ZNF722: variants seen among roughly 807,000 people sequenced by gnomAD.
The protein encoded by ZNF722 is zinc finger protein 479 pseudogene.
chr7:64,000,128 T>TGTGTGTG, the ZNF722 span, among the ~76,000 whole-genome samples: 18 of 89,492 alleles, frequency 2.0e-4, no homozygotes, highest in East Asian at 3.9e-3. Flanking sequence ...ACTTTTTTTT[T>TGTGTGTG]TTTTTGTGTG....
chr7:64,015,827 A>G, the ZNF722 span: 1 of 1,605,326 alleles, frequency 6.2e-7, no homozygotes, highest in East Asian at 2.2e-5. Context: ...AACCCTACAA[A>G]TGTGAAGAAT....
At chr7:64,006,380 C>T in the ZNF722 span, 11 of 1,091,540 alleles carry the variant, frequency 1.0e-5, no homozygotes, top group African/African-American at 1.2e-4. Flanking sequence ...AACAAGGCAG[C>T]CAGTCCTTGA....
the ZNF722 span, among the ~76,000 whole-genome samples, chr7:64,002,063 A>G: frequency 2.0e-5 from 3 of 151,982 alleles, no homozygotes; most frequent in African/African-American, 7.2e-5. Context: ...TTGTATTTTT[A>G]GTAGAGATGG....
At chr7:64,018,052 TTAAA>T in the ZNF722 span, among the ~76,000 whole-genome samples, 409 of 152,310 alleles carry the variant, frequency 2.7e-3, 2 homozygotes, top group African/African-American at 9.0e-3. Context: ...TAATTTTTCA[TTAAA>T]TAAAGTTGTT....
the ZNF722 span, among the ~76,000 whole-genome samples, chr7:64,003,426 C>T: frequency 6.6e-6 from 1 of 151,950 alleles, no homozygotes; most frequent in African/African-American, 2.4e-5. Flanking sequence ...TCTCAAGATG[C>T]AGGTTTGATA....
At chr7:64,016,029 T>A in the ZNF722 span, 9 of 769,006 alleles carry the variant, frequency 1.2e-5, no homozygotes, top group Non-Finnish European at 1.8e-5. Flanking sequence ...GTTCCAAACC[T>A]TAATAGAAAA....
chr7:63,999,301 G>A, the ZNF722 span, among the ~76,000 whole-genome samples: 1 of 152,208 alleles, frequency 6.6e-6, no homozygotes, highest in African/African-American at 2.4e-5. Context: ...GGATGGGAAA[G>A]TCATCAGGGG....
chr7:64,015,673 G>T, the ZNF722 span: 2 of 1,613,264 alleles, frequency 1.2e-6, no homozygotes, highest in African/African-American at 2.7e-5. Flanking sequence ...GAAGAATGTG[G>T]CAAAGCCTTT....
the ZNF722 span, chr7:64,015,909 A>G: frequency 2.6e-6 from 4 of 1,524,388 alleles, no homozygotes; most frequent in South Asian, 4.5e-5. Flanking sequence ...GAAACCCTAC[A>G]AAAGTAAATA....
At chr7:63,998,865 C>T in the ZNF722 span, 1 of 1,364,534 alleles carries the variant, frequency 7.3e-7, no homozygotes, top group Non-Finnish European at 1.0e-6. Context: ...TGCTTCTCTG[C>T]GTCCCGAGCT....
the ZNF722 span, among the ~76,000 whole-genome samples, chr7:64,011,446 G>A: frequency 6.6e-6 from 1 of 152,074 alleles, no homozygotes; most frequent in Admixed American, 6.6e-5. Flanking sequence ...CAGGCCTGGT[G>A]GTGACAAAAT....
the ZNF722 span, among the ~76,000 whole-genome samples, chr7:64,004,425 A>AAAAATATATATATATATATATAT: frequency 8.2e-5 from 5 of 61,110 alleles, no homozygotes; most frequent in Admixed American, 4.7e-4. Context: ...AAAAAAAAAA[A>AAAAATATATATATATATATATAT]ATATATATAT....
the ZNF722 span, chr7:64,015,050 A>G: frequency 7.4e-7 from 1 of 1,348,946 alleles, no homozygotes; most frequent in Admixed American, 1.7e-5. Flanking sequence ...ATTTCACCCA[A>G]GACCTTCATC....
chr7:64,000,436 CTTTTTTTTTT>C, the ZNF722 span, among the ~76,000 whole-genome samples: 118 of 23,682 alleles, frequency 5.0e-3, no homozygotes, highest in African/African-American at 0.015. Context: ...CATGCCCGGC[CTTTTTTTTTT>C]TTTTTTTTTT....
At chr7:64,014,198 T>G in the ZNF722 span, among the ~76,000 whole-genome samples, 2 of 152,104 alleles carry the variant, frequency 1.3e-5, no homozygotes, top group Admixed American at 6.6e-5. Flanking sequence ...CTTATTCTTT[T>G]TTACTTCCAC....
chr7:63,999,011 G>T, the ZNF722 span: 1 of 1,577,304 alleles, frequency 6.3e-7, no homozygotes, highest in African/African-American at 1.3e-5. Flanking sequence ...GTGAGTGCTG[G>T]GTCTGTCATC....
the ZNF722 span, among the ~76,000 whole-genome samples, chr7:64,014,407 A>G: frequency 1.3e-5 from 2 of 152,188 alleles, no homozygotes; most frequent in Non-Finnish European, 1.5e-5. Flanking sequence ...TTTTGTATAC[A>G]TTATAATCTT....
the ZNF722 span, among the ~76,000 whole-genome samples, chr7:64,005,988 G>C: frequency 1.3e-5 from 2 of 152,080 alleles, no homozygotes; most frequent in South Asian, 2.1e-4. Context: ...ATAAAATAGC[G>C]TTTCCCACGC....
the ZNF722 span, among the ~76,000 whole-genome samples, chr7:64,014,643 G>A: frequency 1.3e-5 from 2 of 152,054 alleles, no homozygotes; most frequent in African/African-American, 2.4e-5. Flanking sequence ...CCTATTTTCT[G>A]TCCATGGTAC....
Sources: gnomAD v4.1 joint callset for allele counts (sites outside exome capture counted in the v4.1 genomes callset) on GRCh38, gnomAD v4.1.1 for gene constraint, MANE v1.5 for transcripts, NCBI Gene and HGNC (gene_info 2026-07-23, HGNC 2026-07-21) for gene names.